Variants in LVRN observed in about 807,000 individuals in gnomAD.
LVRN encodes the protein laeverin.
In LVRN, 99 loss-of-function variants were observed where a neutral mutation model predicts 111.4. That is an observed-to-expected ratio of 0.89 (90% CI 0.76 to 1.05). The LOEUF is 1.05. Ranked by LOEUF, LVRN falls within the 50% of genes least tolerant of loss-of-function variation. The pLI is 0.00. For synonymous variants in LVRN, 488 were observed against 449.5 expected, an observed-to-expected ratio of 1.09 and a Z score of -1.08; for missense variants, 1,414 against 1,206.8, an observed-to-expected ratio of 1.17 and a Z score of -2.54.
chr5:116,000,032 C>T, intron 7 of LVRN, 130 bp downstream of exon 7: 2 of 1,016,544 alleles, frequency 2.0e-6, no homozygotes, highest in South Asian at 3.7e-5. Flanking sequence ...TAATTCAATA[C>T]ATAGGTATCA....
chr5:115,984,094 G>A (rs1026863758), intron 2 of LVRN, among the ~76,000 whole-genome samples: 1 of 152,126 alleles, frequency 6.6e-6, no homozygotes, highest in South Asian at 2.1e-4. Flanking sequence ...ATTTCACATC[G>A]AGTGCCTGGC....
intron 6 of LVRN, among the ~76,000 whole-genome samples, chr5:115,995,081 T>C (rs114460791): frequency 6.6e-6 from 1 of 152,206 alleles, no homozygotes; most frequent in Non-Finnish European, 1.5e-5. Flanking sequence ...GATTTATTAA[T>C]ATTGAAATGC....
chr5:116,010,151 G>A (rs1404856183), intron 13 of LVRN, among the ~76,000 whole-genome samples: 1 of 152,176 alleles, frequency 6.6e-6, no homozygotes. Context: ...AGCATTCGTT[G>A]ACAATAAGCT....
chr5:116,005,799 T>A, intron 12 of LVRN, 113 bp from the exon 13 acceptor site: 1 of 809,600 alleles, frequency 1.2e-6, no homozygotes, highest in Admixed American at 1.8e-5. Flanking sequence ...ATGAGATAAG[T>A]CACGTGAAGG....
At chr5:116,000,735 G>T in intron 9 of LVRN, 77 bp downstream of exon 9, 2 of 1,456,152 alleles carry the variant, frequency 1.4e-6, no homozygotes, top group Non-Finnish European at 1.9e-6. Flanking sequence ...GGCCATGGGT[G>T]AATGGCAGTT....
At chr5:115,970,485 C>T (rs770922926) in intron 1 of LVRN, among the ~76,000 whole-genome samples, 17 of 151,012 alleles carry the variant, frequency 1.1e-4, no homozygotes, top group African/African-American at 3.4e-4. Flanking sequence ...TGGGTTCAAG[C>T]GATTCCCCTG....
chr5:115,975,683 A>G (rs1383666621), intron 1 of LVRN: 3 of 154,658 alleles, frequency 1.9e-5, no homozygotes, highest in Non-Finnish European at 2.9e-5. Flanking sequence ...TAACTTCAGA[A>G]CAACATTGAA....
At chr5:116,022,557 T>C in intron 19 of LVRN, 91 bp downstream of exon 19, 1 of 842,126 alleles carries the variant, frequency 1.2e-6, no homozygotes, top group Non-Finnish European at 1.9e-6. Context: ...ATAATATGCT[T>C]ATCTGAATTA....
At chr5:116,000,975 G>A in intron 9 of LVRN, 92 bp from the exon 10 acceptor site, 1 of 1,401,958 alleles carries the variant, frequency 7.1e-7, no homozygotes, top group Non-Finnish European at 9.7e-7. Flanking sequence ...AAGTGAGGAA[G>A]AGAATAGCTA....
chr5:115,984,702 G>T lies in LVRN; in HGVS notation c.971G>T (p.Gly324Val). 1 of 1,613,508 alleles carries T rather than the reference G, an allele frequency of 6.2e-7. No individual in the cohort carries two copies. The highest frequency in any genetic ancestry group is 8.5e-7 in the Non-Finnish European group (1 of 1,179,676). Residue 324 changes from glycine (G) to valine (V), a missense_variant, in exon 3 of 20, where the codon GGC (glycine) becomes GTC (valine). Transcript: ENST00000357872. ...GACCACGTCAACAGAACAGAAAGGG[G>T]CAAGGAGGTGAGTGAGGAAGATTCT... ...DYDHVNRTER[G>V]KEIRIWARKD...
intron 18 of LVRN, among the ~76,000 whole-genome samples, chr5:116,017,240 A>T (rs1748620712): frequency 6.6e-6 from 1 of 152,160 alleles, no homozygotes; most frequent in African/African-American, 2.4e-5. Flanking sequence ...ACTGGAGAGG[A>T]GTTAGGAGTG....
chr5:116,015,354 C>G lies in LVRN; in HGVS notation c.2553C>G (p.Asn851Lys). 1 of 1,611,438 alleles carries G rather than the reference C, an allele frequency of 6.2e-7. No homozygotes were observed. Among genetic ancestry groups the G allele is most frequent in the South Asian group, 1.1e-5 (1 of 90,454 alleles). ...ILLNTYTNTT[N>K]KEEKIQLAYA... is the part of the protein sequence containing the mutation. ...TAAATACTTACACTAATACAACAAA[C>G]AAAGAAGAAAAGATTCAACTTGCTT... Residue 851 changes from asparagine (N) to lysine (K), a missense_variant, in exon 17 of 20, where the codon AAC becomes AAG. Coordinates refer to ENST00000357872, the MANE Select transcript of LVRN (RefSeq NM_173800.5).
At chr5:116,015,221 G>T (rs1748574303) in intron 16 of LVRN, 31 bp from the exon 17 acceptor site, 4 of 1,497,360 alleles carry the variant, frequency 2.7e-6, no homozygotes, top group African/African-American at 1.4e-5. Flanking sequence ...TAACTACTAT[G>T]AAAAATATCA....
chr5:116,025,076 T>C (rs1388763140), intron 19 of LVRN, among the ~76,000 whole-genome samples: 1 of 152,052 alleles, frequency 6.6e-6, no homozygotes, highest in African/African-American at 2.4e-5. Context: ...CTCCCACCAC[T>C]ACAGGAGCCC....
In LVRN at chr5:116,001,129, G is replaced by A. The variant is rs1483782547; in HGVS notation, c.1710G>A (p.Trp570Ter). The A allele has an allele frequency of 6.2e-7, 1 of 1,613,722 alleles. No individual in the cohort carries two copies. The highest frequency in any genetic ancestry group is 8.5e-7 in the Non-Finnish European group (1 of 1,179,944). The change falls in exon 10 of 20, where the codon TGG becomes TGA. Residue 570 changes from tryptophan to a stop codon, truncating the protein, a stop_gained. Coordinates refer to ENST00000357872, the MANE Select transcript of LVRN (RefSeq NM_173800.5). LOFTEE classifies it high-confidence loss of function. Reference sequence around the variant, plus strand: ...CAATAAAAAACATAATGGACAGTTGGACACACCAGAGTGGTTTTCCAGTGA... The same window carrying A: ...CAATAAAAAACATAATGGACAGTTGAACACACCAGAGTGGTTTTCCAGTGA... ...PATIKNIMDS[W>*]THQSGFPVIT...
In LVRN at chr5:115,978,678, A is replaced by G. The variant is rs17138515; in HGVS notation, c.696-4609A>G. Among the ~76,000 whole-genome samples the G allele has an allele frequency of 5.5e-3, 836 of 151,600 alleles. 24 individuals carry two copies. Among genetic ancestry groups the G allele is most frequent in the Admixed American group, 0.041 (624 of 15,236 alleles). On this transcript the variant is annotated intron_variant, in intron 1 of 19. Transcript: ENST00000357872. ...ATTTTTCTCCCATCTTCCACTCCCTACTCTTGGGCTAGTTTTTAGGATGGA... is the reference window on the plus strand; with the variant it reads ...ATTTTTCTCCCATCTTCCACTCCCTGCTCTTGGGCTAGTTTTTAGGATGGA...
At chr5:116,004,192 C>T (rs1015739236) in intron 12 of LVRN, among the ~76,000 whole-genome samples, 4 of 152,274 alleles carry the variant, frequency 2.6e-5, no homozygotes, top group South Asian at 2.1e-4. Context: ...GAAGTTAATT[C>T]ACAAAACATC....
chr5:116,001,323 C>A, intron 10 of LVRN, 84 bp downstream of exon 10: 2 of 1,462,340 alleles, frequency 1.4e-6, no homozygotes, highest in East Asian at 2.3e-5. Flanking sequence ...GGTGAAGAAG[C>A]GTTACCCCCG....
In LVRN at chr5:116,001,250, T is replaced by C; in HGVS notation, c.1820+11T>C. 6.2e-7 allele frequency: 1 copy of C among 1,611,698 alleles called. No homozygotes were observed. Among genetic ancestry groups the C allele is most frequent in the Non-Finnish European group, 8.5e-7 (1 of 1,179,340 alleles). The stretch of plus-strand genomic sequence containing the variant: ...TCTTCTAACCAGCAAGTAGGTAGCT[T>C]TGCTCCTCTTTGTCTTCACCTTCCT... On this transcript the variant is annotated intron_variant, in intron 10 of 19. Coordinates refer to ENST00000357872, the MANE Select transcript of LVRN (RefSeq NM_173800.5).
Sources: gnomAD v4.1 joint callset for allele counts (sites outside exome capture counted in the v4.1 genomes callset) on GRCh38, gnomAD v4.1.1 for gene constraint, MANE v1.5 for transcripts, NCBI Gene and HGNC (gene_info 2026-07-23, HGNC 2026-07-21) for gene names.